ATRNL1: variants seen among roughly 807,000 people sequenced by gnomAD.
ATRNL1 encodes attractin like 1.
In ATRNL1, 95 loss-of-function variants were observed where a neutral mutation model predicts 182.7. The observed-to-expected ratio is 0.52, with a 90% CI of 0.44 to 0.62. The LOEUF is 0.62. Among genes scored for constraint, ATRNL1 ranks in the 20% least tolerant of loss-of-function variants. ATRNL1 has a pLI of 0.00. For synonymous variants in ATRNL1, 576 were observed against 568.3 expected (o/e 1.01, Z -0.19); for missense variants, 1,471 against 1,679.5 (o/e 0.88, Z 2.17).
intron 9 of ATRNL1, among the ~76,000 whole-genome samples, chr10:115,220,745 A>AGGGG (rs1849428730): frequency 7.9e-6 from 1 of 126,540 alleles, no homozygotes. Flanking sequence ...GGGCGGGGTC[A>AGGGG]GGCAGTGCCC....
chr10:115,219,771 C>T (rs1307018283), intron 9 of ATRNL1, among the ~76,000 whole-genome samples: 17 of 152,142 alleles, frequency 1.1e-4, no homozygotes, highest in African/African-American at 3.9e-4. Context: ...GGCATGATGG[C>T]ACACACCTGT....
chr10:115,215,592 C>T (rs1283998459), intron 8 of ATRNL1, 105 bp from the exon 9 acceptor site: 2 of 862,294 alleles, frequency 2.3e-6, no homozygotes, highest in Non-Finnish European at 3.5e-6. Context: ...AATGTTTACT[C>T]ATAAAAATAT....
chr10:115,936,247 C>G (rs1249533996), intron 28 of ATRNL1, among the ~76,000 whole-genome samples: 1 of 152,140 alleles, frequency 6.6e-6, no homozygotes, highest in Admixed American at 6.6e-5. Flanking sequence ...TTTTTGAACT[C>G]TTATATACCA....
chr10:115,307,378 G>T (rs1356412395), intron 17 of ATRNL1, among the ~76,000 whole-genome samples: 1 of 152,010 alleles, frequency 6.6e-6, no homozygotes, highest in African/African-American at 2.4e-5. Flanking sequence ...TTCTCCTGCT[G>T]CAGCCTCCTG....
chr10:115,681,878 A>G (rs1245055340), intron 26 of ATRNL1, among the ~76,000 whole-genome samples: 1 of 152,202 alleles, frequency 6.6e-6, no homozygotes, highest in African/African-American at 2.4e-5. Context: ...GTGTAAGGAG[A>G]AAGGTGACAT....
chr10:115,189,582 G>A (rs559791654), intron 8 of ATRNL1, among the ~76,000 whole-genome samples: 1 of 151,824 alleles, frequency 6.6e-6, no homozygotes, highest in Admixed American at 6.6e-5. Flanking sequence ...TGAAAAAATA[G>A]GAAAAAGCTT....
intron 8 of ATRNL1, among the ~76,000 whole-genome samples, chr10:115,176,258 C>G (rs1554886660): frequency 6.6e-6 from 1 of 152,046 alleles, no homozygotes; most frequent in Non-Finnish European, 1.5e-5. Context: ...CTGTAGGTTG[C>G]CTTTCACTCT....
intron 24 of ATRNL1, among the ~76,000 whole-genome samples, chr10:115,492,624 C>T (rs569736736): frequency 1.5e-5 from 2 of 137,336 alleles, no homozygotes. Context: ...TCTTTTAATT[C>T]TTTCATTTTT....
At chr10:115,572,913 G>A (rs1296780485) in intron 26 of ATRNL1, among the ~76,000 whole-genome samples, 7 of 152,074 alleles carry the variant, frequency 4.6e-5, no homozygotes, top group Non-Finnish European at 7.4e-5. Flanking sequence ...GCATGCAGAC[G>A]GGCAGATGCA....
intron 20 of ATRNL1, among the ~76,000 whole-genome samples, chr10:115,402,689 A>G (rs539542919): frequency 6.6e-6 from 1 of 152,330 alleles, no homozygotes; most frequent in Non-Finnish European, 1.5e-5. Context: ...GGAATTAAAA[A>G]TACCATTTCC....
chr10:115,559,221 C>G (rs1853513944), intron 26 of ATRNL1, among the ~76,000 whole-genome samples: 1 of 152,160 alleles, frequency 6.6e-6, no homozygotes, highest in Non-Finnish European at 1.5e-5. Context: ...CTAGCAAAAT[C>G]AATTCAAAAA....
chr10:115,623,550 A>G (rs1324907521), intron 26 of ATRNL1, among the ~76,000 whole-genome samples: 1 of 152,184 alleles, frequency 6.6e-6, no homozygotes, highest in Non-Finnish European at 1.5e-5. Flanking sequence ...AAAGCTGAAC[A>G]TTAATGAGCT....
chr10:115,713,752 A>ATCTATC (rs1565311060), intron 26 of ATRNL1, among the ~76,000 whole-genome samples: 3 of 140,482 alleles, frequency 2.1e-5, no homozygotes, highest in African/African-American at 8.0e-5. Flanking sequence ...ATCTATCTAT[A>ATCTATC]GTCTCTCCAT....
chr10:115,655,766 C>A (rs1187005115), intron 26 of ATRNL1, among the ~76,000 whole-genome samples: 2 of 152,036 alleles, frequency 1.3e-5, no homozygotes, highest in Non-Finnish European at 2.9e-5. Flanking sequence ...TTTATCCTAC[C>A]AATGATCATG....
intron 26 of ATRNL1, among the ~76,000 whole-genome samples, chr10:115,616,871 C>G (rs1857453388): frequency 6.6e-6 from 1 of 152,222 alleles, no homozygotes; most frequent in East Asian, 1.9e-4. Context: ...GCTGGCTGGA[C>G]TGCAGGTTAG....
intron 26 of ATRNL1, among the ~76,000 whole-genome samples, chr10:115,558,189 A>G (rs2133829316): frequency 6.6e-6 from 1 of 152,322 alleles, no homozygotes; most frequent in East Asian, 1.9e-4. Flanking sequence ...GATTTGGACA[A>G]AGTATTGAAC....
chr10:115,102,177 CTA>C (rs1358357521), intron 1 of ATRNL1, among the ~76,000 whole-genome samples: 1 of 152,098 alleles, frequency 6.6e-6, no homozygotes, highest in African/African-American at 2.4e-5. Context: ...TATTTTGAAA[CTA>C]TGTTATTAGG....
chr10:115,478,573 TA>T (rs1187856867), intron 24 of ATRNL1, among the ~76,000 whole-genome samples: 2 of 151,746 alleles, frequency 1.3e-5, no homozygotes, highest in Non-Finnish European at 2.9e-5. Context: ...TAAAATTCAA[TA>T]ATCATAGGAG....
chr10:115,160,860 T>A (rs1396598520), intron 6 of ATRNL1, among the ~76,000 whole-genome samples: 1 of 151,938 alleles, frequency 6.6e-6, no homozygotes, highest in Non-Finnish European at 1.5e-5. Flanking sequence ...AGTGTTCATA[T>A]TATGTAATAA....
Sources: allele counts gnomAD v4.1 joint callset (sites outside exome capture counted in the v4.1 genomes callset), GRCh38; gene constraint gnomAD v4.1.1; transcripts MANE v1.5; gene names NCBI Gene and HGNC (gene_info 2026-07-23, HGNC 2026-07-21).